DRC11: variants seen among roughly 807,000 people sequenced by gnomAD.
DRC11 encodes dynein regulatory complex subunit 11, also known as IQ and AAA domain-containing protein 1.
At chr2:236,318,694 ATAGT>A in the DRC11 span, among the ~76,000 whole-genome samples, 1 of 152,216 alleles carries the variant, frequency 6.6e-6, no homozygotes, top group Admixed American at 6.5e-5. The surrounding 1 kb of genome is among the most constrained non-coding windows in gnomAD (Gnocchi z 7.0). Context: ...GTACACGTGC[ATAGT>A]GTGTGGTATA....
chr2:236,419,845 A>C, the DRC11 span, among the ~76,000 whole-genome samples: 1 of 152,214 alleles, frequency 6.6e-6, no homozygotes, highest in Non-Finnish European at 1.5e-5. This position sits in a 1 kb window ranked among gnomAD's most constrained non-coding sequence, Gnocchi z 4.8. Flanking sequence ...ACTACTGGAG[A>C]ATTATTATAG....
chr2:236,407,473 T>C, the DRC11 span, among the ~76,000 whole-genome samples: 1 of 152,164 alleles, frequency 6.6e-6, no homozygotes, highest in Non-Finnish European at 1.5e-5. Context: ...CCCCCTCTTG[T>C]AGACGGCAGA....
the DRC11 span, among the ~76,000 whole-genome samples, chr2:236,388,481 C>T: frequency 1.3e-5 from 2 of 151,974 alleles, no homozygotes; most frequent in Non-Finnish European, 1.5e-5. Context: ...GCACTCTTCA[C>T]GTAGTTCTCG....
At chr2:236,392,684 T>C in the DRC11 span, among the ~76,000 whole-genome samples, 1 of 152,238 alleles carries the variant, frequency 6.6e-6, no homozygotes, top group Non-Finnish European at 1.5e-5. The surrounding 1 kb of genome is among the most constrained non-coding windows in gnomAD (Gnocchi z 5.1). Flanking sequence ...GCTGGGATTA[T>C]ACAATCACAG....
the DRC11 span, among the ~76,000 whole-genome samples, chr2:236,485,327 G>GT: frequency 6.6e-6 from 1 of 151,892 alleles, no homozygotes; most frequent in Non-Finnish European, 1.5e-5. Context: ...TCATACATTT[G>GT]TATTTTCTTC....
chr2:236,407,898 A>G, the DRC11 span: 3 of 429,778 alleles, frequency 7.0e-6, no homozygotes, highest in East Asian at 1.9e-4. Flanking sequence ...TTTCATGAAT[A>G]TTTTCCATGA....
At chr2:236,392,630 T>C in the DRC11 span, among the ~76,000 whole-genome samples, 1 of 152,204 alleles carries the variant, frequency 6.6e-6, no homozygotes, top group African/African-American at 2.4e-5. This position sits in a 1 kb window ranked among gnomAD's most constrained non-coding sequence, Gnocchi z 5.1. Context: ...GATACAATAG[T>C]ATTCTACTGT....
the DRC11 span, among the ~76,000 whole-genome samples, chr2:236,390,165 G>A: frequency 1.3e-4 from 20 of 151,938 alleles, no homozygotes; most frequent in Non-Finnish European, 4.4e-5. This position sits in a 1 kb window ranked among gnomAD's most constrained non-coding sequence, Gnocchi z 5.9. Flanking sequence ...TTTGATTAAA[G>A]GTGTATATAT....
At chr2:236,396,149 C>A in the DRC11 span, among the ~76,000 whole-genome samples, 2 of 151,992 alleles carry the variant, frequency 1.3e-5, no homozygotes, top group South Asian at 4.2e-4. Context: ...TCAAGAATTT[C>A]ATGGACATTT....
the DRC11 span, among the ~76,000 whole-genome samples, chr2:236,443,033 T>C: frequency 6.6e-6 from 1 of 152,184 alleles, no homozygotes; most frequent in Non-Finnish European, 1.5e-5. This position sits in a 1 kb window ranked among gnomAD's most constrained non-coding sequence, Gnocchi z 4.4. Flanking sequence ...CTTCACGTTT[T>C]GGTATGCAGC....
the DRC11 span, among the ~76,000 whole-genome samples, chr2:236,337,810 GAAAA>G: frequency 7.0e-6 from 1 of 142,864 alleles, no homozygotes; most frequent in East Asian, 2.0e-4. The surrounding 1 kb of genome is among the most constrained non-coding windows in gnomAD (Gnocchi z 4.9). Context: ...GAGACTGGAA[GAAAA>G]AAAAAAAAAC....
the DRC11 span, among the ~76,000 whole-genome samples, chr2:236,316,645 C>G: frequency 6.6e-6 from 1 of 152,288 alleles, no homozygotes; most frequent in East Asian, 1.9e-4. The surrounding 1 kb of genome is among the most constrained non-coding windows in gnomAD (Gnocchi z 6.8). Flanking sequence ...CGGTAATATT[C>G]AAGTGATCAC....
chr2:236,497,593 G>A, the DRC11 span: 7 of 744,782 alleles, frequency 9.4e-6, no homozygotes, highest in Non-Finnish European at 1.3e-5. This position sits in a 1 kb window ranked among gnomAD's most constrained non-coding sequence, Gnocchi z 5.1. Flanking sequence ...AATCAAGTGT[G>A]AGCTAAGAAT....
At chr2:236,365,141 C>T in the DRC11 span, among the ~76,000 whole-genome samples, 10 of 151,818 alleles carry the variant, frequency 6.6e-5, no homozygotes, top group Admixed American at 1.3e-4. The surrounding 1 kb of genome is among the most constrained non-coding windows in gnomAD (Gnocchi z 7.4). Flanking sequence ...TGTGGGGGTC[C>T]GTGGGAGTGG....
chr2:236,409,470 C>A, the DRC11 span, among the ~76,000 whole-genome samples: 1 of 152,098 alleles, frequency 6.6e-6, no homozygotes, highest in Non-Finnish European at 1.5e-5. Context: ...TATCCTGAGA[C>A]TTTGCTGAAG....
At chr2:236,331,463 G>C in the DRC11 span, 3 of 1,613,848 alleles carry the variant, frequency 1.9e-6, no homozygotes, top group Non-Finnish European at 2.5e-6. The surrounding 1 kb of genome is among the most constrained non-coding windows in gnomAD (Gnocchi z 4.8). Context: ...CGGATTCTCT[G>C]ATCTGTGAGC....
chr2:236,472,986 G>A, the DRC11 span, among the ~76,000 whole-genome samples: 1 of 152,146 alleles, frequency 6.6e-6, no homozygotes, highest in Non-Finnish European at 1.5e-5. The surrounding 1 kb of genome is among the most constrained non-coding windows in gnomAD (Gnocchi z 4.6). Flanking sequence ...AGGACATGTA[G>A]GGAACAGCCC....
At chr2:236,435,487 A>G in the DRC11 span, among the ~76,000 whole-genome samples, 4 of 152,232 alleles carry the variant, frequency 2.6e-5, no homozygotes, top group Non-Finnish European at 5.9e-5. Flanking sequence ...AGACTGGGTA[A>G]TTTATAAAGA....
the DRC11 span, among the ~76,000 whole-genome samples, chr2:236,357,480 T>A: frequency 3.2e-5 from 4 of 126,694 alleles, no homozygotes; most frequent in African/African-American, 1.3e-4. Context: ...ACATGTATAT[T>A]TATATATTAT....
Sources: gnomAD v4.1 joint callset for allele counts (sites outside exome capture counted in the v4.1 genomes callset) on GRCh38, gnomAD v4.1.1 for gene constraint, Gnocchi (gnomAD v3.1) non-coding constraint, MANE v1.5 for transcripts, NCBI Gene and HGNC (gene_info 2026-07-23, HGNC 2026-07-21) for gene names.